Variants in IL20RA observed in about 807,000 individuals in gnomAD.
The protein encoded by IL20RA is interleukin-20 receptor subunit alpha.
IL20RA carries 29 observed loss-of-function variants against 36.5 expected under a neutral mutation model. The ratio of observed to expected loss-of-function variants is 0.79; its 90% CI spans 0.59 to 1.08. The LOEUF (loss-of-function observed/expected upper bound fraction) is 1.08, where lower values mean the gene tolerates loss of function less well. Among genes scored for constraint, IL20RA ranks in the 50% least tolerant of loss-of-function variants. The pLI is 0.00. For synonymous variants in IL20RA, 279 were observed against 267.1 expected (o/e 1.04, Z -0.43); for missense variants, 652 against 668.4 (o/e 0.98, Z 0.27).
chr6:137,033,842 G>C (rs1448659541), intron 1 of IL20RA, among the ~76,000 whole-genome samples: 1 of 152,126 alleles, frequency 6.6e-6, no homozygotes, highest in African/African-American at 2.4e-5. Context: ...TTCCAAATAA[G>C]GTCATATTCT....
chr6:137,044,813 C>T lies in IL20RA; in HGVS notation c.-85G>A. ...GGGGCCAAGCGCGGCCGCGCGGCCT[C>T]AGCTCCGCGCCTGGGGCTCTGCGTG... On this transcript the variant is annotated 5_prime_UTR_variant, in exon 1 of 7. Coordinates refer to ENST00000316649, the MANE Select transcript of IL20RA (RefSeq NM_014432.4). 8.6e-7 allele frequency: 1 copy of T among 1,167,974 alleles called. No individual in the cohort carries two copies. Among genetic ancestry groups the T allele is most frequent in the Non-Finnish European group, 1.1e-6 (1 of 939,098 alleles). 72.4% of individuals were successfully genotyped at this position (1,167,974 alleles called of 1,614,324 possible).
At chr6:137,034,661 C>T (rs766174950) in intron 1 of IL20RA, among the ~76,000 whole-genome samples, 7 of 152,092 alleles carry the variant, frequency 4.6e-5, no homozygotes, top group Non-Finnish European at 8.8e-5. Flanking sequence ...AACATGTGGG[C>T]CAGGTGCGGT....
chr6:137,026,724 C>G (rs276500), intron 1 of IL20RA, among the ~76,000 whole-genome samples: 123,813 of 152,176 alleles, frequency 0.81, 56,154 homozygotes, highest in East Asian at 1. Context: ...GGTATGACTG[C>G]CTTCACATAG....
intron 4 of IL20RA, 155 bp downstream of exon 4, chr6:137,009,162 T>C (rs1775382627): frequency 1.4e-6 from 1 of 692,592 alleles, no homozygotes; most frequent in Non-Finnish European, 2.6e-6. Flanking sequence ...TTCTGTAAAA[T>C]TTCTGTATAT....
Position 137,027,157 on chromosome 6 carries a change from C to T in IL20RA, c.89-10054G>A, listed in dbSNP as rs1776118809. Reference sequence around the variant, plus strand: ...TTGGCCTCCCAAAGTGCTGGGATTACAGGCATGAGCCACCACGCCTGGCTG... The same window carrying T: ...TTGGCCTCCCAAAGTGCTGGGATTATAGGCATGAGCCACCACGCCTGGCTG... On this transcript the variant is annotated intron_variant, in intron 1 of 6. Coordinates refer to ENST00000316649, the MANE Select transcript of IL20RA (RefSeq NM_014432.4). Among the ~76,000 whole-genome samples the T allele has an allele frequency of 3.3e-5, 5 of 152,218 alleles. No individual in the cohort carries two copies. The South Asian group carries it at 1.0e-3, about 32-fold the overall frequency.
At chr6:137,012,389 A>C (rs1286804257) in intron 2 of IL20RA, among the ~76,000 whole-genome samples, 1 of 152,190 alleles carries the variant, frequency 6.6e-6, no homozygotes, top group Non-Finnish European at 1.5e-5. Context: ...GATGGGTGGA[A>C]TGGTGGTGAT....
rs1775106472 is a variant in IL20RA at position 137,002,339 on chromosome 6, T to A, written c.881A>T (p.Asn294Ile). ...HPANLILIYG[N>I]EFDKRFFVPA... Reference sequence around the variant, plus strand: ...CACAAAGAATCTTTTGTCAAATTCATTTCCATAAATCAAAATCTATAAAGA... The same window carrying A: ...CACAAAGAATCTTTTGTCAAATTCAATTCCATAAATCAAAATCTATAAAGA... The change falls in exon 7 of 7, where the codon AAT becomes ATT. Residue 294 changes from asparagine to isoleucine, a missense_variant. Coordinates refer to ENST00000316649, the MANE Select transcript of IL20RA (RefSeq NM_014432.4). 2 of 1,593,454 alleles carry A rather than the reference T, an allele frequency of 1.3e-6. No homozygotes were observed. The highest frequency in any genetic ancestry group is 1.7e-6 in the Non-Finnish European group (2 of 1,170,550).
chr6:137,025,892 G>C (rs1379279483), intron 1 of IL20RA, among the ~76,000 whole-genome samples: 3 of 152,204 alleles, frequency 2.0e-5, no homozygotes, highest in Non-Finnish European at 4.4e-5. Context: ...CCAGTTAAAA[G>C]GGTAAGGTTC....
intron 1 of IL20RA, among the ~76,000 whole-genome samples, chr6:137,018,143 T>G (rs2115389401): frequency 6.6e-6 from 1 of 152,278 alleles, no homozygotes; most frequent in Middle Eastern, 3.4e-3. Flanking sequence ...GGAAATAAAA[T>G]TTAGTTCAGT....
intron 2 of IL20RA, 110 bp downstream of exon 2, chr6:137,016,858 T>C: frequency 2.0e-6 from 2 of 1,011,296 alleles, no homozygotes; most frequent in East Asian, 5.1e-5. Context: ...ATCTAAAACT[T>C]TTCTCTTTTT....
intron 1 of IL20RA, among the ~76,000 whole-genome samples, chr6:137,040,149 C>T (rs946897932): frequency 6.6e-6 from 1 of 152,046 alleles, no homozygotes; most frequent in African/African-American, 2.4e-5. Context: ...TAGATAATGA[C>T]ATCTGGGTTT....
intron 3 of IL20RA, among the ~76,000 whole-genome samples, chr6:137,009,956 G>A (rs1775428150): frequency 6.6e-6 from 1 of 152,154 alleles, no homozygotes; most frequent in Non-Finnish European, 1.5e-5. Flanking sequence ...AGGTGGGCCT[G>A]AGATATGCCA....
intron 1 of IL20RA, among the ~76,000 whole-genome samples, chr6:137,032,992 C>T (rs571528643): frequency 1.8e-4 from 28 of 152,208 alleles, no homozygotes; most frequent in African/African-American, 6.3e-4. Context: ...AATGAAGAGA[C>T]GCCCACAAAG....
chr6:137,007,369 G>C (rs1202818058), intron 5 of IL20RA, among the ~76,000 whole-genome samples: 2 of 152,180 alleles, frequency 1.3e-5, no homozygotes, highest in Non-Finnish European at 2.9e-5. Flanking sequence ...CTTTCGGACA[G>C]TTTCATCGTG....
Position 137,001,726 on chromosome 6 carries a change from G to T in IL20RA, c.1494C>A (p.Asp498Glu), listed in dbSNP as rs1344888613. Residue 498 changes from aspartate to glutamate, a missense_variant, in exon 7 of 7, where the codon GAC (aspartate) becomes GAA (glutamate). Asp to Glu is a conservative substitution (Grantham distance 45, BLOSUM62 2). Transcript: ENST00000316649. ...AAGGCTCGCAGCCCTCTGAATCCTG[G>T]TCGAAGCTGGACAGCGAAGGAATAC... ...RLCIPSLSSFDQDSEGCEPSE... is the reference protein window; with the variant it reads ...RLCIPSLSSFEQDSEGCEPSE... 6.2e-7 allele frequency: 1 copy of T among 1,613,754 alleles called. No homozygotes were observed. The highest frequency in any genetic ancestry group is 1.1e-5 in the South Asian group (1 of 91,054).
At chr6:137,004,911 C>T in intron 5 of IL20RA, 151 bp from the exon 6 acceptor site, 1 of 705,094 alleles carries the variant, frequency 1.4e-6, no homozygotes, top group South Asian at 1.9e-5. Flanking sequence ...CGTTGAGAAG[C>T]TTAAGCTAAA....
Position 137,009,350 on chromosome 6 carries a change from G to A in IL20RA, c.546C>T (p.Asn182=), listed in dbSNP as rs536577063. The change falls in exon 4 of 7, where the codon AAC becomes AAT. Residue 182 remains asparagine (N), a synonymous_variant. Transcript: ENST00000316649. ...TTGATTTAGTATTCAACACAGACAC[G>A]TTATACTTCAGATTGGAGTATATTT... ...MQQIYSNLKY[N]VSVLNTKSNR... is the part of the protein sequence containing the mutation. 8.7e-6 allele frequency: 14 copies of A among 1,613,262 alleles called. No individual in the cohort carries two copies. Among genetic ancestry groups the A allele is most frequent in the African/African-American group, 1.3e-5 (1 of 74,854 alleles).
At position 137,011,273 on chromosome 6, in the gene IL20RA, C is replaced by T; in HGVS notation, c.403+1G>A. 6.2e-7 allele frequency: 1 copy of T among 1,600,432 alleles called. No homozygotes were observed. On this transcript the variant is annotated splice_donor_variant, in intron 3 of 6. Transcript: ENST00000316649. LOFTEE classifies it high-confidence loss of function. ...ACCATTGCAATAATGGCATTACTTA[C>T]TTTCTAAAAAAGGATAGAACCGTCC...
intron 5 of IL20RA, 58 bp downstream of exon 5, chr6:137,008,541 C>T (rs1205081087): frequency 6.7e-6 from 10 of 1,493,544 alleles, no homozygotes; most frequent in Non-Finnish European, 9.0e-6. Context: ...ACCATCATAC[C>T]GACTTCTAGT....
Sources: allele counts gnomAD v4.1 joint callset (sites outside exome capture counted in the v4.1 genomes callset), GRCh38; gene constraint gnomAD v4.1.1; transcripts MANE v1.5; gene names NCBI Gene and HGNC (gene_info 2026-07-23, HGNC 2026-07-21).